The following MINDY4 variants were observed in gnomAD, a reference collection of about 807,000 sequenced individuals.
MINDY4 encodes probable ubiquitin carboxyl-terminal hydrolase MINDY-4.
In MINDY4, 68 loss-of-function variants were observed where a neutral mutation model predicts 87.0. The ratio of observed to expected loss-of-function variants is 0.78; its 90% confidence interval spans 0.64 to 0.96. The LOEUF (loss-of-function observed/expected upper bound fraction) is 0.96, where lower values mean the gene tolerates loss of function less well. Ranked by LOEUF, MINDY4 falls within the 40% of genes least tolerant of loss-of-function variation. The pLI, the probability that MINDY4 is intolerant of heterozygous loss-of-function variation, is 0.00. For missense variants in MINDY4, 919 were observed against 928.2 expected (o/e 0.99, Z 0.13); for synonymous variants, 379 against 363.2 (o/e 1.04, Z -0.50).
intron 17 of MINDY4, among the ~76,000 whole-genome samples, chr7:30,884,174 C>T (rs1374729283): frequency 1.3e-5 from 2 of 152,050 alleles, no homozygotes; most frequent in African/African-American, 2.4e-5. Flanking sequence ...TTGATGCCCA[C>T]CACAGGAAAG....
At chr7:30,811,161 A>G (rs1411282365) in intron 5 of MINDY4, among the ~76,000 whole-genome samples, 1 of 151,852 alleles carries the variant, frequency 6.6e-6, no homozygotes, top group Non-Finnish European at 1.5e-5. Flanking sequence ...TCAGCGGAAA[A>G]GGGATGGACT....
chr7:30,794,509 G>T (rs1787422464), intron 5 of MINDY4, among the ~76,000 whole-genome samples: 1 of 152,120 alleles, frequency 6.6e-6, no homozygotes. Flanking sequence ...GGGCACAGGT[G>T]GGGTTAGGGG....
intron 9 of MINDY4, among the ~76,000 whole-genome samples, chr7:30,847,733 CGTTTTT>C (rs146216621): frequency 0.14 from 22,011 of 151,810 alleles, 1,703 homozygotes; most frequent in Middle Eastern, 0.25. Context: ...GTTGTTTGTT[CGTTTTT>C]GTTTTTGTTT....
intron 9 of MINDY4, among the ~76,000 whole-genome samples, chr7:30,848,947 C>T (rs1303724235): frequency 2.0e-5 from 3 of 152,240 alleles, no homozygotes; most frequent in East Asian, 1.9e-4. Flanking sequence ...ATAGTCACCA[C>T]GTGCCAGCCA....
At chr7:30,809,158 G>A (rs957185846) in intron 5 of MINDY4, among the ~76,000 whole-genome samples, 3 of 152,044 alleles carry the variant, frequency 2.0e-5, no homozygotes, top group Non-Finnish European at 4.4e-5. Context: ...TAACACTCCA[G>A]TACCACTTTG....
At chr7:30,891,874 A>T in intron 17 of MINDY4, 83 bp from the exon 18 acceptor site, 1 of 1,395,706 alleles carries the variant, frequency 7.2e-7, no homozygotes, top group Non-Finnish European at 1.0e-6. Flanking sequence ...CAAAACCTTC[A>T]GGAAGTGGAG....
intron 1 of MINDY4, among the ~76,000 whole-genome samples, chr7:30,773,748 A>G (rs1463781989): frequency 6.6e-6 from 1 of 151,992 alleles, no homozygotes; most frequent in Non-Finnish European, 1.5e-5. Flanking sequence ...CTCAATTCCA[A>G]GCTTCCCACC....
chr7:30,826,282 G>A (rs1041065999), intron 5 of MINDY4, among the ~76,000 whole-genome samples: 7 of 152,170 alleles, frequency 4.6e-5, no homozygotes, highest in South Asian at 2.1e-4. Context: ...TGCATTTAGC[G>A]TCTGTTCATT....
intron 5 of MINDY4, among the ~76,000 whole-genome samples, chr7:30,820,475 C>T (rs1788293691): frequency 6.6e-6 from 1 of 152,196 alleles, no homozygotes; most frequent in Non-Finnish European, 1.5e-5. Flanking sequence ...AGAACATCTT[C>T]ATTTCTTCAA....
chr7:30,788,183 G>C (rs1787212459), intron 4 of MINDY4, among the ~76,000 whole-genome samples: 1 of 152,184 alleles, frequency 6.6e-6, no homozygotes, highest in Non-Finnish European at 1.5e-5. Context: ...GCCTCACACA[G>C]ATAAGCAGCT....
chr7:30,816,447 C>T (rs552655232), intron 5 of MINDY4, among the ~76,000 whole-genome samples: 3 of 152,162 alleles, frequency 2.0e-5, no homozygotes, highest in Admixed American at 6.5e-5. Context: ...CAAGGCCTGT[C>T]GGGAGGGACA....
At chr7:30,877,813 A>G (rs1287212432) in intron 15 of MINDY4, among the ~76,000 whole-genome samples, 1 of 124,364 alleles carries the variant, frequency 8.0e-6, no homozygotes, top group Non-Finnish European at 1.6e-5. Flanking sequence ...CTGGGATTAC[A>G]GGGACATGCT....
At position 30,791,406 on chromosome 7, in the gene MINDY4, A is replaced by AC. The variant is rs1207188377; in HGVS notation, c.906dup (p.Arg303GlnfsTer33). 6.2e-7 allele frequency: 1 copy of AC among 1,613,962 alleles called. No homozygotes were observed. The highest frequency in any genetic ancestry group is 8.5e-7 in the Non-Finnish European group (1 of 1,180,016). ...CCCAGCAAACGGCTGCCCCCATGGGACAGGGCCAGGCCGAGGGATCCCTCC... is the reference window on the plus strand; with the variant it reads ...CCCAGCAAACGGCTGCCCCCATGGGACCAGGGCCAGGCCGAGGGATCCCTCC... On this transcript the variant is annotated frameshift_variant, in exon 5 of 18. Transcript: ENST00000265299. LOFTEE classifies it high-confidence loss of function.
intron 5 of MINDY4, among the ~76,000 whole-genome samples, chr7:30,814,182 A>G (rs1373181698): frequency 1.3e-5 from 2 of 152,208 alleles, no homozygotes; most frequent in African/African-American, 4.8e-5. Context: ...AATTTTCGCA[A>G]ATTTTCCAAA....
rs553206745 is a variant in MINDY4, at chr7:30,780,917, T to C, written c.184-1060T>C. On this transcript the variant is annotated intron_variant, in intron 2 of 17. Coordinates refer to ENST00000265299, the MANE Select transcript of MINDY4 (RefSeq NM_032222.3). ...ATTTAATCTTAGACAAAATAGTTTT[T>C]GTTTTTAATCTCTTACTGAAAAGAA... 5.9e-5 allele frequency: 9 copies of C among 152,386 alleles called. No homozygotes were observed. The South Asian group carries it at 1.9e-3, about 32-fold the overall frequency. 9.4% of individuals were successfully genotyped at this position (152,386 alleles called of 1,614,324 possible).
At chr7:30,824,048 A>G (rs1300454159) in intron 5 of MINDY4, among the ~76,000 whole-genome samples, 5 of 152,210 alleles carry the variant, frequency 3.3e-5, no homozygotes, top group African/African-American at 1.2e-4. Flanking sequence ...CATCAAATAT[A>G]TAGCAAATGT....
chr7:30,816,074 T>A (rs763439207), intron 5 of MINDY4, among the ~76,000 whole-genome samples: 374 of 152,132 alleles, frequency 2.5e-3, no homozygotes, highest in Admixed American at 4.8e-3. Context: ...GACTAGATGG[T>A]CTGGATTAGC....
chr7:30,793,498 C>T (rs1787386955), intron 5 of MINDY4, among the ~76,000 whole-genome samples: 4 of 151,876 alleles, frequency 2.6e-5, no homozygotes, highest in Admixed American at 2.0e-4. Context: ...TCACTGCAGC[C>T]TTGACCTTCC....
At chr7:30,776,600 G>A (rs1412017940) in intron 1 of MINDY4, among the ~76,000 whole-genome samples, 1 of 152,182 alleles carries the variant, frequency 6.6e-6, no homozygotes, top group Non-Finnish European at 1.5e-5. Context: ...TCTAGCAACT[G>A]GACTTACGGA....
Sources: gnomAD v4.1 joint callset for allele counts (sites outside exome capture counted in the v4.1 genomes callset) on GRCh38, gnomAD v4.1.1 for gene constraint, MANE v1.5 for transcripts, NCBI Gene and HGNC (gene_info 2026-07-23, HGNC 2026-07-21) for gene names.